Variants in HKDC1 observed in about 807,000 individuals in gnomAD.
HKDC1 encodes hexokinase domain containing 1.
HKDC1 carries 66 observed loss-of-function variants against 96.6 expected under a neutral mutation model. The ratio of observed to expected loss-of-function variants is 0.68; its 90% CI spans 0.56 to 0.84. The LOEUF (loss-of-function observed/expected upper bound fraction) is 0.84, where lower values mean the gene tolerates loss of function less well. Ranked by LOEUF, HKDC1 falls within the 40% of genes least tolerant of loss-of-function variation. The pLI, the probability that HKDC1 is intolerant of heterozygous loss-of-function variation, is 0.00. For synonymous variants in HKDC1, 466 were observed against 473.1 expected, an observed-to-expected ratio of 0.98 and a Z score of 0.20; for missense variants, 1,211 against 1,208.1, an observed-to-expected ratio of 1.00 and a Z score of -0.04.
chr10:69,241,575 C>G (rs1843457689), intron 6 of HKDC1, among the ~76,000 whole-genome samples: 1 of 152,158 alleles, frequency 6.6e-6, no homozygotes, highest in African/African-American at 2.4e-5. Context: ...CCTCTGCCTC[C>G]CAGGCTCAAG....
In HKDC1 at chr10:69,247,458, T is replaced by C; in HGVS notation, c.1130T>C (p.Ile377Thr). The change falls in exon 9 of 18, where the codon ATC (isoleucine) becomes ACC (threonine). Residue 377 changes from isoleucine (I) to threonine (T), a missense_variant. Coordinates refer to ENST00000354624, the MANE Select transcript of HKDC1 (RefSeq NM_025130.4). ...ATTGCCGTCCAGCATGTCTGTACCATCGTCTCCTTCCGCTCGGCCAATCTC... is the reference window on the plus strand; with the variant it reads ...ATTGCCGTCCAGCATGTCTGTACCACCGTCTCCTTCCGCTCGGCCAATCTC... ...DCIAVQHVCT[I>T]VSFRSANLCA... 1 of 1,614,158 alleles carries C rather than the reference T, an allele frequency of 6.2e-7. No individual in the cohort carries two copies. Among genetic ancestry groups the C allele is most frequent in the South Asian group, 1.1e-5 (1 of 91,084 alleles).
chr10:69,231,766 G>A (rs909419217), intron 2 of HKDC1, among the ~76,000 whole-genome samples: 3 of 152,230 alleles, frequency 2.0e-5, no homozygotes, highest in Non-Finnish European at 4.4e-5. Flanking sequence ...CAGTAAATGT[G>A]TGGACATAGA....
chr10:69,257,275 C>G (rs1353110373), intron 13 of HKDC1, 52 bp from the exon 14 acceptor site: 1 of 1,539,196 alleles, frequency 6.5e-7, no homozygotes, highest in East Asian at 2.2e-5. Flanking sequence ...TTGGCTTGCA[C>G]ATTCAACTCA....
intron 14 of HKDC1, 109 bp from the exon 15 acceptor site, chr10:69,258,667 T>C (rs1434701135): frequency 1.8e-6 from 2 of 1,098,272 alleles, no homozygotes; most frequent in East Asian, 2.4e-5. Flanking sequence ...TGGAATCGCA[T>C]CCAGTTGTAT....
At position 69,267,363 on chromosome 10, in the gene HKDC1, A is replaced by C. The variant is rs1843921205; in HGVS notation, c.*606A>C. 1 of 407,740 alleles carries C rather than the reference A, an allele frequency of 2.5e-6. No homozygotes were observed. Among genetic ancestry groups the C allele is most frequent in the South Asian group, 1.8e-5 (1 of 55,076 alleles). The allele number at this position is 407,740 out of a possible 1,614,324, so 25.3% of individuals were successfully genotyped here. A position where few individuals can be genotyped will look rare whatever the true frequency, so the allele number is the denominator to read the frequency against. On this transcript the variant is annotated 3_prime_UTR_variant, in exon 18 of 18. Coordinates refer to ENST00000354624, the MANE Select transcript of HKDC1 (RefSeq NM_025130.4). The stretch of plus-strand genomic sequence containing the variant: ...ACTGCAGGAATCATTGCATGCTTAA[A>C]GCGAGTTATGTCAGCACCCTGTAGG...
intron 4 of HKDC1, 83 bp from the exon 5 acceptor site, chr10:69,238,959 G>A (rs1346697852): frequency 6.9e-6 from 6 of 870,270 alleles, no homozygotes; most frequent in Admixed American, 6.7e-5. Context: ...CATGGGGGAT[G>A]CACGTAGGCA....
intron 1 of HKDC1, among the ~76,000 whole-genome samples, chr10:69,223,782 G>A (rs983031237): frequency 6.7e-6 from 1 of 150,180 alleles, no homozygotes; most frequent in African/African-American, 2.4e-5. Flanking sequence ...ACAGGGTTTC[G>A]CTGTGTTGGT....
intron 1 of HKDC1, among the ~76,000 whole-genome samples, chr10:69,226,907 C>G (rs949401425): frequency 2.6e-5 from 4 of 152,110 alleles, no homozygotes; most frequent in Non-Finnish European, 5.9e-5. Context: ...CTGAATCCTT[C>G]TTAGTTTCTG....
At chr10:69,260,991 CA>C in intron 15 of HKDC1, 147 bp from the exon 16 acceptor site, 2 of 623,430 alleles carry the variant, frequency 3.2e-6, no homozygotes, top group Non-Finnish European at 5.6e-6. Context: ...TGATAGCTTG[CA>C]GTGCTTGCTC....
In HKDC1 at chr10:69,257,145, T is replaced by C. The variant is rs186654550; in HGVS notation, c.1932+14T>C. ...AAGAGGAGAAACGTAGGATGTGGTGTTGAGGCTCATGCCTGCTCTTGCTGC... is the reference window on the plus strand; with the variant it reads ...AAGAGGAGAAACGTAGGATGTGGTGCTGAGGCTCATGCCTGCTCTTGCTGC... On this transcript the variant is annotated intron_variant, in intron 13 of 17. Coordinates refer to ENST00000354624, the MANE Select transcript of HKDC1 (RefSeq NM_025130.4). The C allele has an allele frequency of 2.7e-5, 43 of 1,606,560 alleles. No homozygotes were observed. The African/African-American group carries it at 4.8e-4, about 18-fold the overall frequency.
At chr10:69,259,117 G>C (rs1466074203) in intron 15 of HKDC1, among the ~76,000 whole-genome samples, 158 bp downstream of exon 15, 3 of 152,180 alleles carry the variant, frequency 2.0e-5, no homozygotes, top group Non-Finnish European at 4.4e-5. Flanking sequence ...ATGATGACAA[G>C]TTTGCAACAG....
intron 12 of HKDC1, 121 bp downstream of exon 12, chr10:69,250,773 G>A (rs781023459): frequency 1.7e-5 from 17 of 1,029,132 alleles, no homozygotes; most frequent in Non-Finnish European, 2.1e-5. Context: ...CAGGGCAGCT[G>A]GGAACACATG....
In HKDC1 at chr10:69,233,065, T is replaced by C. The variant is rs147492024; in HGVS notation, c.427T>C (p.Leu143=). ...GGCAGATTTCATGAAGACCAAAGAT[T>C]TAAAGCATAAGAAATTGCCCCTTGG... ...CLADFMKTKD[L]KHKKLPLGLT... The change falls in exon 4 of 18, where the codon TTA becomes CTA. Residue 143 remains leucine (L), a synonymous_variant. Coordinates refer to ENST00000354624, the MANE Select transcript of HKDC1 (RefSeq NM_025130.4). The C allele has an allele frequency of 7.4e-6, 12 of 1,614,114 alleles. No homozygotes were observed. In the African/African-American group the frequency reaches 1.6e-4, roughly 22 times the overall value.
At chr10:69,246,042 A>T in intron 7 of HKDC1, 37 bp from the exon 8 acceptor site, 1 of 1,604,764 alleles carries the variant, frequency 6.2e-7, no homozygotes, top group Non-Finnish European at 8.5e-7. Flanking sequence ...GCTTAATCAA[A>T]GGGGCTGCGT....
rs749908835 is a variant in HKDC1, at chr10:69,265,679, G to C, written c.2467G>C (p.Gly823Arg). ...CAGCATCGTGGTGAAGGAGGTGTGC[G>C]GAGCCGTGTCCCGGCGGGCGGCCCA... is the stretch of plus-strand genomic sequence containing the variant. ...EDSIVVKEVC[G>R]AVSRRAAQLC... Residue 823 changes from glycine (G) to arginine (R), a missense_variant, in exon 17 of 18, where the codon GGA becomes CGA. By Grantham distance (125) the Gly-to-Arg change is moderately radical. Transcript: ENST00000354624. The C allele has an allele frequency of 6.2e-7, 1 of 1,613,938 alleles. No individual in the cohort carries two copies. Among genetic ancestry groups the C allele is most frequent in the Admixed American group, 1.7e-5 (1 of 59,964 alleles).
chr10:69,224,748 A>G (rs1164974975), intron 1 of HKDC1, among the ~76,000 whole-genome samples: 3 of 152,222 alleles, frequency 2.0e-5, no homozygotes, highest in African/African-American at 7.2e-5. Flanking sequence ...ACCTTCTGCA[A>G]TTCAGTCTTG....
Position 69,265,577 on chromosome 10 carries a change from G to A in HKDC1, c.2373-8G>A. 1 of 1,613,224 alleles carries A rather than the reference G, an allele frequency of 6.2e-7. No homozygotes were observed. Among genetic ancestry groups the A allele is most frequent in the Non-Finnish European group, 8.5e-7 (1 of 1,179,610 alleles). On this transcript the variant is annotated splice_polypyrimidine_tract_variant and splice_region_variant and intron_variant, in intron 16 of 17. Coordinates refer to ENST00000354624, the MANE Select transcript of HKDC1 (RefSeq NM_025130.4). ...GCAGGTCCTGACTCCCTGCTCTATT[G>A]CCTGCAGCGATCGGCTGGCCCTTCT...
intron 4 of HKDC1, among the ~76,000 whole-genome samples, chr10:69,234,611 A>G (rs1008856887): frequency 6.6e-6 from 1 of 152,230 alleles, no homozygotes; most frequent in Non-Finnish European, 1.5e-5. Context: ...GCTGAGGTGA[A>G]GCTTAGGCAA....
chr10:69,262,935 C>A (rs191393576), intron 16 of HKDC1, among the ~76,000 whole-genome samples: 1 of 150,432 alleles, frequency 6.6e-6, no homozygotes, highest in South Asian at 2.1e-4. Flanking sequence ...TTTTTTTTTC[C>A]GTAATAAAAG....
Sources: gnomAD v4.1 joint callset for allele counts (sites outside exome capture counted in the v4.1 genomes callset) on GRCh38, gnomAD v4.1.1 for gene constraint, MANE v1.5 for transcripts, NCBI Gene and HGNC (gene_info 2026-07-23, HGNC 2026-07-21) for gene names.